Variants in PER1 observed in about 807,000 individuals in gnomAD.
The protein encoded by PER1 is period circadian regulator 1, also known as period circadian protein homolog 1.
A neutral mutation model predicts 125.9 loss-of-function variants in PER1; 87 were observed. The observed-to-expected ratio is 0.69, with a 90% CI of 0.58 to 0.83. PER1 has a LOEUF of 0.83. PER1 is among the 40% of genes least tolerant of loss of function. The pLI, the probability that PER1 is intolerant of heterozygous loss-of-function variation, is 0.00. For missense variants in PER1, 1,775 were observed against 1,722.8 expected (o/e 1.03, Z -0.54); for synonymous variants, 801 against 714.7 (o/e 1.12, Z -1.93).
intron 13 of PER1, 110 bp from the exon 14 acceptor site, chr17:8,147,112 T>C (rs939446618): frequency 2.1e-6 from 3 of 1,404,198 alleles, no homozygotes; most frequent in East Asian, 4.7e-5. Flanking sequence ...GACGCCTTGA[T>C]GGGAGCAGGA....
Position 8,147,794 on chromosome 17 carries a change from G to A in PER1, c.1268C>T (p.Ser423Phe). The change falls in exon 11 of 23, where the codon TCC (serine) becomes TTC (phenylalanine). Residue 423 changes from serine (S) to phenylalanine (F), a missense_variant. By Grantham distance (155) the Ser-to-Phe change is radical. Coordinates refer to ENST00000317276, the MANE Select transcript of PER1 (RefSeq NM_002616.3). ...GTTGCGGGCACAGAAGCGGATAGGGGAGTGGTCAAAGGGCTGGCCCGCCAA... is the reference window on the plus strand; with the variant it reads ...GTTGCGGGCACAGAAGCGGATAGGGAAGTGGTCAAAGGGCTGGCCCGCCAA... ...LQLAGQPFDH[S>F]PIRFCARNGE... is the part of the protein sequence containing the mutation. 6.2e-7 allele frequency: 1 copy of A among 1,614,028 alleles called. No individual in the cohort carries two copies. Among genetic ancestry groups the A allele is most frequent in the Non-Finnish European group, 8.5e-7 (1 of 1,180,006 alleles).
rs939638888 is a variant in PER1 at position 8,142,304 on chromosome 17, G to A, written c.3414C>T (p.Asp1138=). Residue 1138 remains aspartate, a synonymous_variant, in exon 21 of 23, where the codon GAC becomes GAT. Transcript: ENST00000317276. ...DPIWLLMANA[D]QRVMMTYQVP... The stretch of plus-strand genomic sequence containing the variant: ...CCTGGTAGGTCATCATGACGCGCTG[G>A]TCAGCATTGGCCATGAGCAGCCAAA... 1 of 1,610,302 alleles carries A rather than the reference G, an allele frequency of 6.2e-7. No homozygotes were observed. The highest frequency in any genetic ancestry group is 8.5e-7 in the Non-Finnish European group (1 of 1,178,384).
Position 8,150,788 on chromosome 17 carries a change from G to A in PER1, c.-82C>T, listed in dbSNP as rs780242159. 7.0e-6 allele frequency: 9 copies of A among 1,293,440 alleles called. No homozygotes were observed. The highest frequency in any genetic ancestry group is 3.0e-5 in the South Asian group (2 of 67,764). 80.1% of individuals were successfully genotyped at this position (1,293,440 alleles called of 1,614,324 possible). ...GAGGGGGCCTGGAGGCTTGGCTGAG[G>A]GAGTGAGGTGGAAGATCTAAGTCTC... On this transcript the variant is annotated 5_prime_UTR_variant, in exon 2 of 23. Coordinates refer to ENST00000317276, the MANE Select transcript of PER1 (RefSeq NM_002616.3).
At chr17:8,145,124 T>C (rs1169318487) in intron 17 of PER1, 131 bp from the exon 18 acceptor site, 1 of 1,015,410 alleles carries the variant, frequency 9.8e-7, no homozygotes, top group Non-Finnish European at 1.3e-6. Context: ...CTGGTCTCCA[T>C]GTACGTTTCT....
Position 8,147,721 on chromosome 17 carries a change from G to A in PER1, c.1341C>T (p.Pro447=), listed in dbSNP as rs774714087. The A allele has an allele frequency of 6.2e-7, 1 of 1,614,006 alleles. No individual in the cohort carries two copies. Among genetic ancestry groups the A allele is most frequent in the Non-Finnish European group, 8.5e-7 (1 of 1,180,036 alleles). ...MDTSWAGFVH[P]WSRKVAFVLG... is the part of the protein sequence containing the mutation. ...ACACGAAGGCTACCTTGCGGCTCCAGGGGTGCACAAAGCCAGCCCAGCTGG... is the reference window on the plus strand; with the variant it reads ...ACACGAAGGCTACCTTGCGGCTCCAAGGGTGCACAAAGCCAGCCCAGCTGG... The change falls in exon 11 of 23, where the codon CCC becomes CCT. Residue 447 remains proline (P), a synonymous_variant. Coordinates refer to ENST00000317276, the MANE Select transcript of PER1 (RefSeq NM_002616.3).
At position 8,140,747 on chromosome 17, in the gene PER1, G is replaced by T; in HGVS notation, c.*321C>A. On this transcript the variant is annotated 3_prime_UTR_variant, in exon 23 of 23. Transcript: ENST00000317276. ...ATAAGTGCAGCCCCAACCCTCAAGA[G>T]TCAGATTCAGGCTCAGCTGGAATAT... 6.2e-6 allele frequency: 2 copies of T among 320,872 alleles called. No individual in the cohort carries two copies. Among genetic ancestry groups the T allele is most frequent in the Non-Finnish European group, 1.2e-5 (2 of 170,350 alleles). The allele number at this position is 320,872 out of a possible 1,614,324, so 19.9% of individuals were successfully genotyped here. A position where few individuals can be genotyped will look rare whatever the true frequency, so the allele number is the denominator to read the frequency against.
intron 20 of PER1, 47 bp from the exon 21 acceptor site, chr17:8,142,505 C>G (rs1982146925): frequency 1.3e-6 from 2 of 1,548,776 alleles, no homozygotes. Flanking sequence ...GGCTGCATGC[C>G]CACTCCTGGG....
At chr17:8,149,367 A>G in intron 6 of PER1, 57 bp from the exon 7 acceptor site, 2 of 1,607,554 alleles carry the variant, frequency 1.2e-6, no homozygotes, top group Non-Finnish European at 1.7e-6. Flanking sequence ...TAGGCTGCGA[A>G]GAATCCACTA....
rs2585400 is a variant in PER1, at chr17:8,149,448, C to T, written c.853+14G>A. On this transcript the variant is annotated intron_variant, in intron 6 of 22. Coordinates refer to ENST00000317276, the MANE Select transcript of PER1 (RefSeq NM_002616.3). ...GGACTGCTCATGCCTCCCCACAGCG[C>T]TTGGGCACCTCACCTGCTGAGGCCC... is the stretch of plus-strand genomic sequence containing the variant. 1.2e-6 allele frequency: 2 copies of T among 1,611,204 alleles called. No individual in the cohort carries two copies. The highest frequency in any genetic ancestry group is 1.7e-6 in the Non-Finnish European group (2 of 1,177,826).
intron 19 of PER1, 152 bp from the exon 20 acceptor site, chr17:8,142,987 A>G (rs1982177570): frequency 1.5e-6 from 1 of 661,326 alleles, no homozygotes; most frequent in East Asian, 2.7e-5. Flanking sequence ...AGAGAGAAGA[A>G]AGCTGGCGAA....
Position 8,147,710 on chromosome 17 carries a change from T to G in PER1, c.1352A>C (p.Lys451Thr), listed in dbSNP as rs577653949. The change falls in exon 11 of 23, where the codon AAG becomes ACG. Residue 451 changes from lysine to threonine, a missense_variant. Physicochemically the swap from Lys to Thr is moderately conservative, Grantham distance 78. Transcript: ENST00000317276. The part of the protein sequence containing the change: ...WAGFVHPWSR[K>T]VAFVLGRHKV... ...GTGGCGGCCCAACACGAAGGCTACCTTGCGGCTCCAGGGGTGCACAAAGCC... is the reference window on the plus strand; with the variant it reads ...GTGGCGGCCCAACACGAAGGCTACCGTGCGGCTCCAGGGGTGCACAAAGCC... 2.5e-6 allele frequency: 4 copies of G among 1,614,080 alleles called. No individual in the cohort carries two copies. In the East Asian group the frequency reaches 8.9e-5, roughly 36 times the overall value.
chr17:8,149,015 C>G, intron 7 of PER1: 1 of 614,040 alleles, frequency 1.6e-6, no homozygotes, highest in East Asian at 2.8e-5. Flanking sequence ...ATGGTGAAAC[C>G]CCGTCTCTAC....
In PER1 at chr17:8,143,855, G is replaced by A. The variant is rs773352334; in HGVS notation, c.2483C>T (p.Pro828Leu). ...GERGCHHGPAPPSRRHHCRSK... is the reference protein window; with the variant it reads ...GERGCHHGPALPSRRHHCRSK... ...TCGGCAGTGGTGTCGGCGGCTTGGG[G>A]GTGCGGGGCCGTGGTGGCAGCCTGT... The change falls in exon 19 of 23, where the codon CCC becomes CTC. Residue 828 changes from proline to leucine, a missense_variant. Transcript: ENST00000317276. 78 of 1,611,386 alleles carry A rather than the reference G, an allele frequency of 4.8e-5. No individual in the cohort carries two copies. In the Admixed American group the frequency reaches 1.3e-3, roughly 26 times the overall value.
intron 12 of PER1, 40 bp from the exon 13 acceptor site, chr17:8,147,421 C>T: frequency 1.2e-6 from 2 of 1,612,696 alleles, no homozygotes; most frequent in Non-Finnish European, 1.7e-6. Context: ...CTTGACCCGG[C>T]TTCCCACACC....
At chr17:8,142,520 C>G (rs1305307386) in intron 20 of PER1, 62 bp from the exon 21 acceptor site, 1 of 1,547,012 alleles carries the variant, frequency 6.5e-7, no homozygotes, top group African/African-American at 1.4e-5. Context: ...CCTGGGACCT[C>G]ACAAGGCCTC....
chr17:8,140,658 T>G lies in PER1; in HGVS notation c.*410A>C. Reference sequence around the variant, plus strand: ...GGGGCTGGAACCCCCGGGTCCTGCTTGGGCCTCAGGCTCTCCTCCCATCTG... The same window carrying G: ...GGGGCTGGAACCCCCGGGTCCTGCTGGGGCCTCAGGCTCTCCTCCCATCTG... On this transcript the variant is annotated 3_prime_UTR_variant, in exon 23 of 23. Coordinates refer to ENST00000317276, the MANE Select transcript of PER1 (RefSeq NM_002616.3). 1 of 248,578 alleles carries G rather than the reference T, an allele frequency of 4.0e-6. No individual in the cohort carries two copies. The highest frequency in any genetic ancestry group is 7.9e-6 in the Non-Finnish European group (1 of 125,868). 15.4% of individuals were successfully genotyped at this position (248,578 alleles called of 1,614,324 possible).
At chr17:8,150,876 C>A in intron 1 of PER1, 31 bp from the exon 2 acceptor site, 1 of 614,474 alleles carries the variant, frequency 1.6e-6, no homozygotes, top group South Asian at 2.4e-5. Context: ...GCAGGGCTTG[C>A]AGAAAGCTGG....
At position 8,143,723 on chromosome 17, in the gene PER1, G is replaced by A. The variant is rs1428616720; in HGVS notation, c.2615C>T (p.Pro872Leu). 45 of 1,536,314 alleles carry A rather than the reference G, an allele frequency of 2.9e-5. No individual in the cohort carries two copies. Among genetic ancestry groups the A allele is most frequent in the East Asian group, 7.1e-5 (3 of 42,498 alleles). ...VPPSTPWPTPPATTPFPAVVQ... is the reference protein window; with the variant it reads ...VPPSTPWPTPLATTPFPAVVQ... The stretch of plus-strand genomic sequence containing the variant: ...AACCGCTGGGAAGGGGGTAGTGGCT[G>A]GTGGGGTGGGCCAGGGGGTGGAGGG... The change falls in exon 19 of 23, where the codon CCA becomes CTA. Residue 872 changes from proline to leucine, a missense_variant. Pro to Leu is a moderately conservative substitution (Grantham distance 98). Coordinates refer to ENST00000317276, the MANE Select transcript of PER1 (RefSeq NM_002616.3).
intron 7 of PER1, 92 bp from the exon 8 acceptor site, chr17:8,148,878 T>C: frequency 6.8e-7 from 1 of 1,467,340 alleles, no homozygotes; most frequent in Non-Finnish European, 9.3e-7. Flanking sequence ...GCAAAGACGC[T>C]GGGGAGGGGG....
Sources: allele counts gnomAD v4.1 joint callset, GRCh38; gene constraint gnomAD v4.1.1; transcripts MANE v1.5; gene names NCBI Gene and HGNC (gene_info 2026-07-23, HGNC 2026-07-21).